Variants in SYT1 observed in about 807,000 individuals in gnomAD.
SYT1 encodes synaptotagmin 1.
SYT1 carries 8 observed loss-of-function variants against 44.8 expected under a neutral mutation model. The ratio of observed to expected loss-of-function variants is 0.18; its 90% CI spans 0.10 to 0.32. The LOEUF (loss-of-function observed/expected upper bound fraction) is 0.32, where lower values mean the gene tolerates loss of function less well. Ranked by LOEUF, SYT1 falls within the 10% of genes least tolerant of loss-of-function variation. The probability of loss-of-function intolerance (pLI) is 1.00; values close to 1 mark genes in which losing one functional copy is unlikely to be tolerated. For missense variants in SYT1, 286 were observed against 509.3 expected (o/e 0.56, Z 4.22); for synonymous variants, 154 against 188.8 (o/e 0.82, Z 1.51).
chr12:79,206,227 CT>C, intron 3 of SYT1, among the ~76,000 whole-genome samples: 1 of 152,134 alleles, frequency 6.6e-6, no homozygotes, highest in Non-Finnish European at 1.5e-5. Flanking sequence ...TGATAATGCT[CT>C]TTTTTTCAGA....
chr12:78,956,041 G>C (rs955326164), intron 1 of SYT1, among the ~76,000 whole-genome samples: 2 of 151,940 alleles, frequency 1.3e-5, no homozygotes, highest in Non-Finnish European at 2.9e-5. Flanking sequence ...TCTATAATAT[G>C]AAAAAATACT....
chr12:79,375,384 T>C (rs900567029), intron 9 of SYT1, among the ~76,000 whole-genome samples: 1 of 152,084 alleles, frequency 6.6e-6, no homozygotes, highest in Non-Finnish European at 1.5e-5. Context: ...GATCGTGTAG[T>C]GTAGAGGAGC....
intron 2 of SYT1, among the ~76,000 whole-genome samples, chr12:79,043,974 T>C (rs1873797930): frequency 6.6e-6 from 1 of 152,234 alleles, no homozygotes; most frequent in Non-Finnish European, 1.5e-5. Flanking sequence ...TTCTGGCTTG[T>C]AGGGTTTCTG....
At chr12:79,063,027 G>T (rs1297570713) in intron 3 of SYT1, among the ~76,000 whole-genome samples, 1 of 152,046 alleles carries the variant, frequency 6.6e-6, no homozygotes, top group African/African-American at 2.4e-5. Flanking sequence ...AAAAATGATG[G>T]TAATATCATT....
chr12:79,179,536 TAG>T (rs375190783), intron 3 of SYT1, among the ~76,000 whole-genome samples: 88,144 of 135,260 alleles, frequency 0.65, 30,459 homozygotes, highest in African/African-American at 0.71. Context: ...GATATAGATA[TAG>T]ATATAGAGAT....
intron 1 of SYT1, among the ~76,000 whole-genome samples, chr12:78,958,701 A>G (rs1283351453): frequency 2.0e-5 from 2 of 100,066 alleles, no homozygotes; most frequent in Non-Finnish European, 4.0e-5. Context: ...TTCTGAAGAG[A>G]AAAAAAAAAA....
intron 3 of SYT1, among the ~76,000 whole-genome samples, chr12:79,136,761 G>A (rs1470413805): frequency 1.3e-5 from 2 of 152,056 alleles, no homozygotes; most frequent in East Asian, 1.9e-4. Flanking sequence ...CATGTAAATG[G>A]TAAATCCTTT....
chr12:79,397,066 G>A (rs1475220361), intron 9 of SYT1, among the ~76,000 whole-genome samples: 2 of 152,172 alleles, frequency 1.3e-5, no homozygotes, highest in Admixed American at 1.3e-4. Context: ...ATATGTTCGA[G>A]GAATATCCAG....
chr12:79,036,531 G>T (rs556385407), intron 2 of SYT1: 1 of 151,742 alleles, frequency 6.6e-6, no homozygotes, highest in East Asian at 1.9e-4. Context: ...CTTCACTTGG[G>T]GATGCTAAAC....
intron 9 of SYT1, among the ~76,000 whole-genome samples, chr12:79,363,584 AAAT>A (rs1883411177): frequency 6.6e-6 from 1 of 151,472 alleles, no homozygotes; most frequent in African/African-American, 2.4e-5. Context: ...AAAAAAAAAA[AAAT>A]AGCCAGGAAT....
chr12:79,379,868 A>G (rs1231974440), intron 9 of SYT1, among the ~76,000 whole-genome samples: 1 of 152,210 alleles, frequency 6.6e-6, no homozygotes, highest in East Asian at 1.9e-4. Flanking sequence ...ATGTACTATT[A>G]CGACTAATTT....
Position 78,966,088 on chromosome 12 carries a change from A to AG in SYT1, c.-216-11711_-216-11710insG, listed in dbSNP as rs1477516210. 2.0e-5 allele frequency among the ~76,000 whole-genome samples: 3 copies of AG among 151,966 alleles called. No individual in the cohort carries two copies. The South Asian group carries it at 6.2e-4, about 32-fold the overall frequency. ...TGAGACTCTGTCTCAAAAAAAAAAA[A>AG]AAAAAATTATTGAATAAACGAATAT... On this transcript the variant is annotated intron_variant, in intron 1 of 10. Coordinates refer to ENST00000261205, the MANE Select transcript of SYT1 (RefSeq NM_005639.3).
intron 2 of SYT1, among the ~76,000 whole-genome samples, chr12:79,028,574 T>C (rs889728842): frequency 1.3e-5 from 2 of 151,284 alleles, no homozygotes; most frequent in Non-Finnish European, 1.5e-5. Context: ...TCAATACATC[T>C]TTGTTGGATA....
chr12:79,008,782 GT>G (rs200997282), intron 2 of SYT1, among the ~76,000 whole-genome samples: 1 of 152,018 alleles, frequency 6.6e-6, no homozygotes, highest in East Asian at 1.9e-4. Flanking sequence ...TGCTAGCCTT[GT>G]TTTCCTGCCT....
chr12:78,939,591 G>A (rs946863751), intron 1 of SYT1, among the ~76,000 whole-genome samples: 2 of 152,126 alleles, frequency 1.3e-5, no homozygotes, highest in Admixed American at 6.5e-5. Flanking sequence ...CCAGTCCCTT[G>A]TCTCCAGGAG....
chr12:78,876,817 T>TATATTATATGTATTATATATTA (rs372012277), intron 1 of SYT1, among the ~76,000 whole-genome samples: 8 of 30,290 alleles, frequency 2.6e-4, no homozygotes, highest in African/African-American at 6.2e-4. Context: ...GTAATACATA[T>TATATTATATGTATTATATATTA]CATATATTAT....
At chr12:79,122,711 T>TA (rs1868297437) in intron 3 of SYT1, among the ~76,000 whole-genome samples, 1 of 152,142 alleles carries the variant, frequency 6.6e-6, no homozygotes, top group African/African-American at 2.4e-5. Flanking sequence ...TTGAGTCTGG[T>TA]AAGTTTGAGT....
intron 3 of SYT1, among the ~76,000 whole-genome samples, chr12:79,144,565 C>A (rs916287038): frequency 6.6e-6 from 1 of 152,170 alleles, no homozygotes; most frequent in Non-Finnish European, 1.5e-5. Flanking sequence ...ACAAACTGGG[C>A]TAGACAGCAC....
chr12:79,111,967 A>G (rs996740998), intron 3 of SYT1, among the ~76,000 whole-genome samples: 1 of 152,042 alleles, frequency 6.6e-6, no homozygotes, highest in African/African-American at 2.4e-5. Flanking sequence ...CAGTGGTAGT[A>G]AATAATAGAT....
Sources: allele counts gnomAD v4.1 joint callset (sites outside exome capture counted in the v4.1 genomes callset), GRCh38; gene constraint gnomAD v4.1.1; transcripts MANE v1.5; gene names NCBI Gene and HGNC (gene_info 2026-07-23, HGNC 2026-07-21).